SLC1A1: variants seen among roughly 807,000 people sequenced by gnomAD.
SLC1A1 encodes solute carrier family 1 member 1, also known as excitatory amino acid transporter 3.
SLC1A1 carries 43 observed loss-of-function variants against 53.3 expected under a neutral mutation model. The ratio of observed to expected loss-of-function variants is 0.81; its 90% CI spans 0.63 to 1.04. The LOEUF (loss-of-function observed/expected upper bound fraction) is 1.04. Ranked by LOEUF, SLC1A1 falls within the 50% of genes least tolerant of loss-of-function variation. The pLI is 0.00. For missense variants in SLC1A1, 748 were observed against 664.9 expected (o/e 1.12, Z -1.37); for synonymous variants, 307 against 243.2 (o/e 1.26, Z -2.44).
chr9:4,523,697 C>T (rs1260596442), intron 1 of SLC1A1, among the ~76,000 whole-genome samples: 1 of 152,176 alleles, frequency 6.6e-6, no homozygotes, highest in Non-Finnish European at 1.5e-5. Flanking sequence ...GAGTATATAG[C>T]CTACAATAAT....
In SLC1A1 at chr9:4,527,270, T is replaced by C. The variant is rs569444997; in HGVS notation, c.92-17297T>C. 5.3e-5 allele frequency among the ~76,000 whole-genome samples: 8 copies of C among 152,278 alleles called. No individual in the cohort carries two copies. The South Asian group carries it at 1.5e-3, about 28-fold the overall frequency. On this transcript the variant is annotated intron_variant, in intron 1 of 11. Coordinates refer to ENST00000262352, the MANE Select transcript of SLC1A1 (RefSeq NM_004170.6). ...GCCTAATTGACACCTTACTGAAGCCTTGTGAGACCCTGAGCAGAGGACTCA... is the reference window on the plus strand; with the variant it reads ...GCCTAATTGACACCTTACTGAAGCCCTGTGAGACCCTGAGCAGAGGACTCA...
At chr9:4,564,225 AG>A in intron 3 of SLC1A1, 118 bp from the exon 4 acceptor site, 1 of 743,210 alleles carries the variant, frequency 1.3e-6, no homozygotes, top group Non-Finnish European at 2.4e-6. Context: ...GCTGGACCTC[AG>A]GGTCCTCCCC....
At chr9:4,582,777 G>C (rs1480897190) in intron 10 of SLC1A1, among the ~76,000 whole-genome samples, 2 of 152,140 alleles carry the variant, frequency 1.3e-5, no homozygotes, top group Non-Finnish European at 2.9e-5. Flanking sequence ...CACTTATGCA[G>C]TTCTTCCTTG....
chr9:4,560,465 C>CA (rs1381864417), intron 2 of SLC1A1, among the ~76,000 whole-genome samples: 1 of 152,090 alleles, frequency 6.6e-6, no homozygotes, highest in Non-Finnish European at 1.5e-5. Context: ...CAGCTGTTTA[C>CA]AAAAAATTGA....
chr9:4,544,529 T>A (rs763287821), intron 1 of SLC1A1, 38 bp from the exon 2 acceptor site: 2 of 1,602,560 alleles, frequency 1.2e-6, no homozygotes, highest in Non-Finnish European at 1.7e-6. Context: ...AACTCAATAA[T>A]GTTCCTCTTC....
chr9:4,536,658 A>C (rs1053484713), intron 1 of SLC1A1, among the ~76,000 whole-genome samples: 5 of 152,240 alleles, frequency 3.3e-5, no homozygotes, highest in African/African-American at 1.2e-4. Context: ...ATCTTGAACT[A>C]GAAATACCAT....
chr9:4,539,828 C>A (rs1816851248), intron 1 of SLC1A1, among the ~76,000 whole-genome samples: 1 of 152,100 alleles, frequency 6.6e-6, no homozygotes, highest in African/African-American at 2.4e-5. Context: ...CCTTGGCCTC[C>A]CAAAGTGCTG....
intron 1 of SLC1A1, among the ~76,000 whole-genome samples, chr9:4,524,937 C>T (rs1336796420): frequency 6.6e-6 from 1 of 152,082 alleles, no homozygotes; most frequent in Non-Finnish European, 1.5e-5. Context: ...CTCATGACCC[C>T]AAGGGCTCCC....
intron 1 of SLC1A1, among the ~76,000 whole-genome samples, chr9:4,511,037 A>T (rs1043635641): frequency 2.4e-4 from 37 of 152,214 alleles, no homozygotes; most frequent in African/African-American, 8.9e-4. Context: ...CAACACTCAT[A>T]AGTTAAATTT....
At chr9:4,564,516 G>A in intron 4 of SLC1A1, 58 bp downstream of exon 4, 1 of 953,624 alleles carries the variant, frequency 1.0e-6, no homozygotes, top group African/African-American at 1.6e-5. Flanking sequence ...ACAAGGCCTT[G>A]TATGTGGTTT....
At chr9:4,508,123 C>A (rs975986887) in intron 1 of SLC1A1, among the ~76,000 whole-genome samples, 5 of 151,408 alleles carry the variant, frequency 3.3e-5, no homozygotes, top group African/African-American at 1.2e-4. Flanking sequence ...AAGAGTGGAA[C>A]GTGACCGTGG....
intron 2 of SLC1A1, among the ~76,000 whole-genome samples, chr9:4,545,772 G>A (rs1167446547): frequency 6.6e-6 from 1 of 152,220 alleles, no homozygotes; most frequent in Non-Finnish European, 1.5e-5. Flanking sequence ...TTACATTGCA[G>A]GGCTCCTTTG....
chr9:4,575,626 G>T (rs1478966303), intron 8 of SLC1A1, among the ~76,000 whole-genome samples: 1 of 152,208 alleles, frequency 6.6e-6, no homozygotes, highest in African/African-American at 2.4e-5. Context: ...CCTGGAGGAA[G>T]GGGGATGCCT....
intron 1 of SLC1A1, among the ~76,000 whole-genome samples, chr9:4,532,681 G>A (rs1020557003): frequency 1.3e-5 from 2 of 152,144 alleles, no homozygotes; most frequent in Admixed American, 6.5e-5. Flanking sequence ...CAGCAAGTCA[G>A]GCCAACATTC....
At position 4,544,600 on chromosome 9, in the gene SLC1A1, G is replaced by A; in HGVS notation, c.125G>A (p.Ser42Asn). Residue 42 changes from serine to asparagine, a missense_variant, in exon 2 of 12, where the codon AGC becomes AAC. Physicochemically the swap from Ser to Asn is conservative, Grantham distance 46. Transcript: ENST00000262352. Reference protein sequence around the residue: ...ITTGVLVREHSNLSTLEKFYF... With the variant: ...ITTGVLVREHNNLSTLEKFYF... Reference sequence around the variant, plus strand: ...ACAGGAGTCTTGGTTCGAGAACACAGCAACCTCTCAACTCTAGAGAAATTC... The same window carrying A: ...ACAGGAGTCTTGGTTCGAGAACACAACAACCTCTCAACTCTAGAGAAATTC... 1 of 1,613,604 alleles carries A rather than the reference G, an allele frequency of 6.2e-7. No homozygotes were observed. The highest frequency in any genetic ancestry group is 1.1e-5 in the South Asian group (1 of 91,066).
chr9:4,576,648 C>G lies in SLC1A1; in HGVS notation c.1078C>G (p.Pro360Ala). Residue 360 changes from proline to alanine, a missense_variant, in exon 10 of 12, where the codon CCC (proline) becomes GCC (alanine). Transcript: ENST00000262352. Reference protein sequence around the residue: ...VDKRITRFVLPVGATINMDGT... With the variant: ...VDKRITRFVLAVGATINMDGT... ...CAAGAGGATCACTCGATTCGTGTTACCCGTTGGTGCAACAATCAACATGGA... is the reference window on the plus strand; with the variant it reads ...CAAGAGGATCACTCGATTCGTGTTAGCCGTTGGTGCAACAATCAACATGGA... 1 of 1,614,098 alleles carries G rather than the reference C, an allele frequency of 6.2e-7. No homozygotes were observed. The highest frequency in any genetic ancestry group is 8.5e-7 in the Non-Finnish European group (1 of 1,179,952).
intron 1 of SLC1A1, among the ~76,000 whole-genome samples, chr9:4,511,183 C>T (rs1221952434): frequency 6.6e-6 from 1 of 152,202 alleles, no homozygotes; most frequent in Non-Finnish European, 1.5e-5. Context: ...GCTGTAACAA[C>T]ATCCCACAGA....
chr9:4,552,622 C>T (rs1300280913), intron 2 of SLC1A1, among the ~76,000 whole-genome samples: 1 of 152,034 alleles, frequency 6.6e-6, no homozygotes, highest in African/African-American at 2.4e-5. Flanking sequence ...TACAGAGGGA[C>T]ACCTGAATAA....
intron 1 of SLC1A1, among the ~76,000 whole-genome samples, chr9:4,533,838 A>G (rs903016867): frequency 6.6e-6 from 1 of 152,196 alleles, no homozygotes; most frequent in Non-Finnish European, 1.5e-5. Flanking sequence ...ATGTAAAAGA[A>G]CAGAAATTAT....
Sources: allele counts gnomAD v4.1 joint callset (sites outside exome capture counted in the v4.1 genomes callset), GRCh38; gene constraint gnomAD v4.1.1; transcripts MANE v1.5; gene names NCBI Gene and HGNC (gene_info 2026-07-23, HGNC 2026-07-21).